FSTL4: variants seen among roughly 807,000 people sequenced by gnomAD.
The protein encoded by FSTL4 is follistatin-related protein 4.
In FSTL4, 28 loss-of-function variants were observed where a neutral mutation model predicts 78.2. The ratio of observed to expected loss-of-function variants is 0.36; its 90% confidence interval spans 0.27 to 0.49. The LOEUF (loss-of-function observed/expected upper bound fraction) is 0.49. Ranked by LOEUF, FSTL4 falls within the 20% of genes least tolerant of loss-of-function variation. The pLI, the probability that FSTL4 is intolerant of heterozygous loss-of-function variation, is 0.98. For missense variants in FSTL4, 922 were observed against 1,084.9 expected (o/e 0.85, Z 2.11); for synonymous variants, 422 against 440.5 (o/e 0.96, Z 0.53).
At chr5:133,743,064 A>G in the FSTL4 span, among the ~76,000 whole-genome samples, 1 of 152,188 alleles carries the variant, frequency 6.6e-6, no homozygotes, top group African/African-American at 2.4e-5. Context: ...CATCTCTCCT[A>G]GGAAGAAATA....
At chr5:133,601,151 A>G (rs1244359130) in intron 2 of FSTL4, among the ~76,000 whole-genome samples, 1 of 152,220 alleles carries the variant, frequency 6.6e-6, no homozygotes, top group African/African-American at 2.4e-5. Flanking sequence ...CCTGCTGTGC[A>G]GGGAGGTATG....
At chr5:133,252,477 C>A (rs1298925792) in intron 6 of FSTL4, among the ~76,000 whole-genome samples, 1 of 152,100 alleles carries the variant, frequency 6.6e-6, no homozygotes, top group Non-Finnish European at 1.5e-5. Flanking sequence ...GGATGGACAT[C>A]CAGATTTTAA....
At chr5:133,743,954 A>G in the FSTL4 span, among the ~76,000 whole-genome samples, 212 of 152,192 alleles carry the variant, frequency 1.4e-3, no homozygotes, top group Admixed American at 2.3e-3. Flanking sequence ...AAATGTTTCT[A>G]CTCCCTGCCA....
chr5:133,495,815 C>T (rs1483953237), intron 3 of FSTL4, among the ~76,000 whole-genome samples: 1 of 152,196 alleles, frequency 6.6e-6, no homozygotes, highest in Non-Finnish European at 1.5e-5. Flanking sequence ...TCCTTTCCTG[C>T]ATCTAAATGT....
At chr5:133,312,990 A>G (rs532788996) in intron 5 of FSTL4, among the ~76,000 whole-genome samples, 2 of 152,302 alleles carry the variant, frequency 1.3e-5, no homozygotes, top group South Asian at 4.2e-4. Flanking sequence ...CCAGGTTCAC[A>G]CAGTGCTTGG....
At chr5:133,680,899 C>G in the FSTL4 span, among the ~76,000 whole-genome samples, 28 of 149,584 alleles carry the variant, frequency 1.9e-4, no homozygotes, top group African/African-American at 6.5e-4. Context: ...AGGGGAATGC[C>G]TTGCTCTAGG....
chr5:133,634,186 G>A, the FSTL4 span, among the ~76,000 whole-genome samples: 1 of 152,258 alleles, frequency 6.6e-6, no homozygotes, highest in East Asian at 1.9e-4. Context: ...TGTGGTGATG[G>A]TACTGGGGCA....
chr5:133,705,376 G>C, the FSTL4 span, among the ~76,000 whole-genome samples: 2 of 152,150 alleles, frequency 1.3e-5, no homozygotes, highest in East Asian at 3.9e-4. Flanking sequence ...ATATTTTACA[G>C]ATTAATTCTA....
At position 133,567,497 on chromosome 5, in the gene FSTL4, G is replaced by T. The variant is rs553955932; in HGVS notation, c.127-278C>A. ...CAGGGCCTTCCTTATTTGGAGTATGGGCTGGTACCAAGTGTTAAGGAAGAC... is the reference window on the plus strand; with the variant it reads ...CAGGGCCTTCCTTATTTGGAGTATGTGCTGGTACCAAGTGTTAAGGAAGAC... On this transcript the variant is annotated intron_variant, in intron 2 of 15. Coordinates refer to ENST00000265342, the MANE Select transcript of FSTL4 (RefSeq NM_015082.2). 3.1e-3 allele frequency among the ~76,000 whole-genome samples: 467 copies of T among 152,304 alleles called. No homozygotes were observed. The Middle Eastern group carries it at 0.041, about 13-fold the overall frequency.
At position 133,611,839 on chromosome 5, in the gene FSTL4, A is replaced by G. The variant is rs905813857; in HGVS notation, c.-11+486T>C. 2.0e-4 allele frequency among the ~76,000 whole-genome samples: 30 copies of G among 151,996 alleles called. No homozygotes were observed. The Middle Eastern group carries it at 9.6e-3, about 48-fold the overall frequency. ...AAGCCGCGGGGAGGAGGTGCTGAGA[A>G]TGCCTGCCCGGCGCCCCAACCCGGA... On this transcript the variant is annotated intron_variant, in intron 1 of 15. Coordinates refer to ENST00000265342, the MANE Select transcript of FSTL4 (RefSeq NM_015082.2). The surrounding 1 kb of genome is among the most constrained non-coding windows in gnomAD (Gnocchi z 4.9).
intron 3 of FSTL4, among the ~76,000 whole-genome samples, chr5:133,530,961 C>G (rs779995379): frequency 6.6e-6 from 1 of 152,182 alleles, no homozygotes; most frequent in Non-Finnish European, 1.5e-5. Context: ...GCTGCGCAAG[C>G]CTGGACCACA....
At chr5:133,741,442 G>A in the FSTL4 span, among the ~76,000 whole-genome samples, 1 of 152,208 alleles carries the variant, frequency 6.6e-6, no homozygotes, top group African/African-American at 2.4e-5. Flanking sequence ...ACTGGCTATG[G>A]ACTGTCTCCC....
the FSTL4 span, among the ~76,000 whole-genome samples, chr5:133,635,403 G>A: frequency 6.6e-6 from 1 of 152,244 alleles, no homozygotes; most frequent in African/African-American, 2.4e-5. Context: ...GGAAAAGGAT[G>A]ACAGCTACAT....
At chr5:133,826,063 G>A in the FSTL4 span, among the ~76,000 whole-genome samples, 3 of 152,188 alleles carry the variant, frequency 2.0e-5, no homozygotes, top group East Asian at 5.8e-4. Context: ...GGCAACTTCT[G>A]AGCTGAGCAA....
At chr5:133,523,075 G>A (rs185590) in intron 3 of FSTL4, among the ~76,000 whole-genome samples, 19,183 of 151,190 alleles carry the variant, frequency 0.13, 1,305 homozygotes, top group Non-Finnish European at 0.15. Flanking sequence ...GGTAATTAAC[G>A]TAAAATGAGG....
intron 2 of FSTL4, among the ~76,000 whole-genome samples, chr5:133,581,225 A>AT (rs1280116219): frequency 2.0e-5 from 3 of 152,224 alleles, no homozygotes; most frequent in African/African-American, 7.2e-5. Context: ...CAACAGAGTC[A>AT]AAAGGAAGAA....
chr5:133,816,866 G>A, the FSTL4 span, among the ~76,000 whole-genome samples: 2 of 152,220 alleles, frequency 1.3e-5, no homozygotes, highest in Non-Finnish European at 1.5e-5. Flanking sequence ...GCCCCAGGGA[G>A]GGCCTAGCCT....
chr5:133,821,191 A>T, the FSTL4 span, among the ~76,000 whole-genome samples: 11,739 of 152,340 alleles, frequency 0.077, 559 homozygotes, highest in South Asian at 0.13. Flanking sequence ...AAAAAATAAT[A>T]TTCTTCTGAT....
At chr5:133,429,879 C>T (rs574896091) in intron 3 of FSTL4, among the ~76,000 whole-genome samples, 2 of 152,300 alleles carry the variant, frequency 1.3e-5, no homozygotes, top group African/African-American at 4.8e-5. Context: ...CCCTTCTCTC[C>T]TATTTCAGGT....
Sources: allele counts gnomAD v4.1 joint callset (sites outside exome capture counted in the v4.1 genomes callset), GRCh38; gene constraint gnomAD v4.1.1; non-coding constraint Gnocchi (gnomAD v3.1); transcripts MANE v1.5; gene names NCBI Gene and HGNC (gene_info 2026-07-23, HGNC 2026-07-21).